Variants in LMNTD1 observed in about 807,000 individuals in gnomAD.
LMNTD1 encodes lamin tail domain-containing protein 1.
A neutral mutation model predicts 50.9 loss-of-function variants in LMNTD1; 35 were observed. The observed-to-expected ratio is 0.69, with a 90% confidence interval of 0.53 to 0.91. The LOEUF (loss-of-function observed/expected upper bound fraction) is 0.91. Ranked by LOEUF, LMNTD1 falls within the 40% of genes least tolerant of loss-of-function variation. The pLI is 0.00. For missense variants in LMNTD1, 470 were observed against 475.5 expected (o/e 0.99, Z 0.11); for synonymous variants, 153 against 161.9 (o/e 0.94, Z 0.42).
At chr12:25,513,924 G>T (rs1015246385) in intron 8 of LMNTD1, among the ~76,000 whole-genome samples, 2 of 152,064 alleles carry the variant, frequency 1.3e-5, no homozygotes, top group African/African-American at 4.8e-5. Context: ...AAATCTGAAT[G>T]AACTGACAAT....
At chr12:25,554,924 GGT>G (rs1943972901), upstream of LMNTD1, among the ~76,000 whole-genome samples, 1 of 151,994 alleles carries the variant, frequency 6.6e-6, no homozygotes, top group East Asian at 1.9e-4. Flanking sequence ...AAATCAGCTG[GGT>G]GTGGTGGCGG....
chr12:25,518,626 G>C (rs1940980962), intron 8 of LMNTD1, among the ~76,000 whole-genome samples, 169 bp downstream of exon 8: 1 of 152,176 alleles, frequency 6.6e-6, no homozygotes, highest in Non-Finnish European at 1.5e-5. Flanking sequence ...CACTGTGCTA[G>C]GGGAAATGTA....
At chr12:25,585,911 T>C (rs1409091182) in intron 1 of LMNTD1, 1 of 152,240 alleles carries the variant, frequency 6.6e-6, no homozygotes, top group Non-Finnish European at 1.5e-5. Flanking sequence ...ACTTTCATAT[T>C]TTACAGATGA....
intron 1 of LMNTD1, among the ~76,000 whole-genome samples, chr12:25,619,252 C>CTCTCTCTATA (rs1374134268): frequency 3.7e-4 from 31 of 84,424 alleles, no homozygotes; most frequent in East Asian, 2.9e-3. Flanking sequence ...CTCTCTCTCT[C>CTCTCTCTATA]TATATATATA....
chr12:25,572,656 G>T (rs149191306), intron 1 of LMNTD1, among the ~76,000 whole-genome samples: 2 of 152,056 alleles, frequency 1.3e-5, no homozygotes, highest in African/African-American at 4.8e-5. Flanking sequence ...TGAAGTAGAG[G>T]CAGTAAGACA....
chr12:25,583,399 G>A (rs1247872776), intron 1 of LMNTD1, among the ~76,000 whole-genome samples: 1 of 152,066 alleles, frequency 6.6e-6, no homozygotes, highest in East Asian at 1.9e-4. Context: ...GAACTGCTGA[G>A]CTCAAGCAAT....
At chr12:25,567,233 A>C (rs1185784052) in intron 1 of LMNTD1, among the ~76,000 whole-genome samples, 1 of 152,234 alleles carries the variant, frequency 6.6e-6, no homozygotes, top group East Asian at 1.9e-4. Context: ...CAGTAGAAGA[A>C]AGACAACTTA....
chr12:25,545,305 C>T (rs1245070619), intron 4 of LMNTD1, among the ~76,000 whole-genome samples: 1 of 151,646 alleles, frequency 6.6e-6, no homozygotes, highest in African/African-American at 2.4e-5. Flanking sequence ...ATGGTTTCCA[C>T]TGAGAAGTCT....
chr12:25,646,070 G>A (rs766698030), intron 1 of LMNTD1, among the ~76,000 whole-genome samples: 9 of 152,128 alleles, frequency 5.9e-5, no homozygotes, highest in Non-Finnish European at 1.3e-4. Context: ...TTGAAGTCCT[G>A]TTTGTTGGCT....
At chr12:25,528,996 T>G (rs1942023589) in intron 4 of LMNTD1, among the ~76,000 whole-genome samples, 2 of 152,198 alleles carry the variant, frequency 1.3e-5, no homozygotes, top group Admixed American at 1.3e-4. Context: ...TCTTATTTAC[T>G]TCACAACCAC....
intron 9 of LMNTD1, chr12:25,503,149 T>C (rs1416596580): frequency 6.6e-6 from 1 of 152,234 alleles, no homozygotes; most frequent in Non-Finnish European, 1.5e-5. Context: ...GGAATCTTCA[T>C]CAAAACACCA....
At chr12:25,524,025 G>C (rs979299390) in intron 6 of LMNTD1, among the ~76,000 whole-genome samples, 1 of 152,162 alleles carries the variant, frequency 6.6e-6, no homozygotes, top group South Asian at 2.1e-4. Context: ...AGCATGGAGA[G>C]AGGAGAGTCC....
At chr12:25,581,117 G>T (rs189571379) in intron 1 of LMNTD1, among the ~76,000 whole-genome samples, 1 of 152,284 alleles carries the variant, frequency 6.6e-6, no homozygotes, top group Admixed American at 6.5e-5. Flanking sequence ...GAAGCATCCT[G>T]TAGCAGCGTA....
chr12:25,546,686 A>G lies in LMNTD1; in HGVS notation c.311-132T>C, dbSNP rs56358661. 3,761 of 480,690 alleles carry G rather than the reference A, an allele frequency of 7.8e-3. 134 individuals are homozygous for G. The highest frequency in any genetic ancestry group is 0.068 in the African/African-American group (3,400 of 49,920). The allele number at this position is 480,690 out of a possible 1,614,324, so 29.8% of individuals were successfully genotyped here. Reference sequence around the variant, plus strand: ...TTTTACATTTTAATATCACTATCAAACTTAATGAGAATAGTTAGAAGCTTT... The same window carrying G: ...TTTTACATTTTAATATCACTATCAAGCTTAATGAGAATAGTTAGAAGCTTT... On this transcript the variant is annotated intron_variant, in intron 3 of 9. Transcript: ENST00000458174.
intron 1 of LMNTD1, among the ~76,000 whole-genome samples, chr12:25,587,602 A>C (rs1052437285): frequency 1.3e-5 from 2 of 152,198 alleles, no homozygotes; most frequent in Admixed American, 6.5e-5. Context: ...ATTCATGAGA[A>C]ATCTGCCCCC....
chr12:25,573,645 A>G lies in LMNTD1; in HGVS notation c.59-27091T>C, dbSNP rs867322349. 2.0e-5 allele frequency among the ~76,000 whole-genome samples: 3 copies of G among 152,314 alleles called. No individual in the cohort carries two copies. In the South Asian group the frequency reaches 6.2e-4, roughly 32 times the overall value. On this transcript the variant is annotated intron_variant, in intron 1 of 7. Coordinates refer to the LMNTD1 transcript ENST00000445693. The stretch of plus-strand genomic sequence containing the variant: ...CTATTTTGTTTTTTGCCAGTTCACT[A>G]GGAGCAGAATTGGAAGTATCTTTGT...
At chr12:25,607,312 T>A (rs1592098806) in intron 1 of LMNTD1, among the ~76,000 whole-genome samples, 2 of 151,840 alleles carry the variant, frequency 1.3e-5, no homozygotes, top group East Asian at 3.8e-4. Context: ...TTTTGAAGGG[T>A]TTTTTTGTGT....
intron 1 of LMNTD1, among the ~76,000 whole-genome samples, chr12:25,636,613 C>G (rs1451787715): frequency 6.6e-6 from 1 of 152,196 alleles, no homozygotes; most frequent in Non-Finnish European, 1.5e-5. Flanking sequence ...ACCATTTGAT[C>G]TAGCAATCTC....
intron 4 of LMNTD1, among the ~76,000 whole-genome samples, chr12:25,537,379 A>C (rs983657035): frequency 6.6e-6 from 1 of 152,198 alleles, no homozygotes; most frequent in Non-Finnish European, 1.5e-5. Flanking sequence ...GAGATCTGGG[A>C]ATGGGCAGAC....
Sources: allele counts gnomAD v4.1 joint callset (sites outside exome capture counted in the v4.1 genomes callset), GRCh38; gene constraint gnomAD v4.1.1; transcripts MANE v1.5; gene names NCBI Gene and HGNC (gene_info 2026-07-23, HGNC 2026-07-21).